Variants in GALNT8 observed in about 807,000 individuals in gnomAD.
The protein encoded by GALNT8 is probable polypeptide N-acetylgalactosaminyltransferase 8.
In GALNT8, 66 loss-of-function variants were observed where a neutral mutation model predicts 62.7. That is an observed-to-expected ratio of 1.05 (90% CI 0.86 to 1.29). GALNT8 has a LOEUF of 1.29. Among genes scored for constraint, GALNT8 ranks in the 50% most tolerant of loss-of-function variants. GALNT8 has a pLI of 0.00. For missense variants in GALNT8, 771 were observed against 791.8 expected (o/e 0.97, Z 0.32); for synonymous variants, 288 against 294.3 (o/e 0.98, Z 0.22).
intron 10 of GALNT8, among the ~76,000 whole-genome samples, chr12:4,769,829 G>C (rs144917191): frequency 1.3e-5 from 2 of 151,892 alleles, no homozygotes; most frequent in East Asian, 1.9e-4. Context: ...CTCCATGCCC[G>C]CCTCACCTGC....
chr12:4,736,347 G>A (rs1946244652), intron 2 of GALNT8, among the ~76,000 whole-genome samples: 1 of 152,126 alleles, frequency 6.6e-6, no homozygotes, highest in Non-Finnish European at 1.5e-5. Context: ...TGGTAATCTG[G>A]AAGACTATGT....
chr12:4,739,282 C>G lies in GALNT8; in HGVS notation c.629C>G (p.Ser210Cys), dbSNP rs1946260243. The G allele has an allele frequency of 6.2e-7, 1 of 1,613,836 alleles. No homozygotes were observed. The highest frequency in any genetic ancestry group is 2.2e-5 in the East Asian group (1 of 44,878). ...ACCAGTATCATCAACCGGACGCCCTCTCGATTGTTGAAGGAAATCATCTTG... is the reference window on the plus strand; with the variant it reads ...ACCAGTATCATCAACCGGACGCCCTGTCGATTGTTGAAGGAAATCATCTTG... ...AITSIINRTPSRLLKEIILVD... is the reference protein window; with the variant it reads ...AITSIINRTPCRLLKEIILVD... The change falls in exon 3 of 11, where the codon TCT becomes TGT. Residue 210 changes from serine to cysteine, a missense_variant. By Grantham distance (112) the Ser-to-Cys change is moderately radical (BLOSUM62 -1). Transcript: ENST00000252318.
intron 6 of GALNT8, among the ~76,000 whole-genome samples, chr12:4,755,815 A>G (rs1327054931): frequency 6.6e-6 from 1 of 152,214 alleles, no homozygotes; most frequent in Non-Finnish European, 1.5e-5. Flanking sequence ...CACGCAATAA[A>G]TCAACCCAAA....
intron 2 of GALNT8, among the ~76,000 whole-genome samples, chr12:4,731,879 T>C (rs1022282910): frequency 6.6e-6 from 1 of 152,190 alleles, no homozygotes; most frequent in African/African-American, 2.4e-5. Flanking sequence ...TTAGTCCTGC[T>C]GTGAACAGGA....
intron 3 of GALNT8, among the ~76,000 whole-genome samples, chr12:4,742,543 C>G (rs1231252479): frequency 6.6e-6 from 1 of 152,152 alleles, no homozygotes; most frequent in Non-Finnish European, 1.5e-5. Flanking sequence ...GGAAAGATAC[C>G]TTAATGTGTG....
chr12:4,726,539 T>TA lies in GALNT8; in HGVS notation c.220dup (p.Met74AsnfsTer21). On this transcript the variant is annotated frameshift_variant, in exon 2 of 11. Transcript: ENST00000252318. LOFTEE classifies it high-confidence loss of function. The surrounding 1 kb of genome is among the most constrained non-coding windows in gnomAD (Gnocchi z 4.1). ...TGTCCTCTTCATTTGCAGAAGAAAG[T>TA]ATGAAATTAGCTCTGAGGCAACAAG... 1 of 1,609,388 alleles carries TA rather than the reference T, an allele frequency of 6.2e-7. No homozygotes were observed.
At position 4,745,301 on chromosome 12, in the gene GALNT8, C is replaced by T. The variant is rs1591569173; in HGVS notation, c.861-128C>T. ...TCTGGACTCTAGAGAGTTCTACTCA[C>T]AACCCAGTACAGCCTAAATGGAGGA... On this transcript the variant is annotated intron_variant, in intron 4 of 10. Coordinates refer to ENST00000252318, the MANE Select transcript of GALNT8 (RefSeq NM_017417.2). 28 of 671,262 alleles carry T rather than the reference C, an allele frequency of 4.2e-5. No individual in the cohort carries two copies. In the East Asian group the frequency reaches 7.2e-4, roughly 17 times the overall value. The allele number at this position is 671,262 out of a possible 1,614,324, so 41.6% of individuals were successfully genotyped here.
chr12:4,762,277 A>G (rs1386366689), intron 7 of GALNT8, among the ~76,000 whole-genome samples: 1 of 152,210 alleles, frequency 6.6e-6, no homozygotes, highest in African/African-American at 2.4e-5. Flanking sequence ...AATTGTCTGT[A>G]AAATACTGAA....
rs1452851596 is a variant in GALNT8, at chr12:4,726,330, G to GT, written c.212-201dup. ...TTTTGATGGGGCTAAAGGGAGAGAC[G>GT]TATCTAGTACATACTTTGCTGGGAC... is the stretch of plus-strand genomic sequence containing the variant. On this transcript the variant is annotated intron_variant, in intron 1 of 10. Transcript: ENST00000252318. The surrounding 1 kb of genome is among the most constrained non-coding windows in gnomAD (Gnocchi z 4.1). Among the ~76,000 whole-genome samples the GT allele has an allele frequency of 6.6e-6, 1 of 152,168 alleles. No homozygotes were observed. Among genetic ancestry groups the GT allele is most frequent in the African/African-American group, 2.4e-5 (1 of 41,430 alleles).
At chr12:4,771,541 T>G (rs1946424394) in intron 10 of GALNT8, among the ~76,000 whole-genome samples, 1 of 152,116 alleles carries the variant, frequency 6.6e-6, no homozygotes, top group Non-Finnish European at 1.5e-5. Flanking sequence ...CAGTCCCACT[T>G]GGTGCTCAAG....
intron 4 of GALNT8, among the ~76,000 whole-genome samples, chr12:4,744,988 G>A (rs1565385445): frequency 2.6e-5 from 4 of 152,166 alleles, no homozygotes; most frequent in Non-Finnish European, 5.9e-5. Flanking sequence ...CTGTAAAGAT[G>A]AGGAGATTAG....
chr12:4,763,334 C>G lies in GALNT8; in HGVS notation c.1441C>G (p.Leu481Val), dbSNP rs780018727. ...GAAATGTAAAACTTTTGACTGGTAC[C>G]TGAAAAATGTTTATCCACTCTTGAA... ...KLKCKTFDWY[L>V]KNVYPLLKPL... The change falls in exon 8 of 11, where the codon CTG (leucine) becomes GTG (valine). Residue 481 changes from leucine (L) to valine (V), a missense_variant. Leu to Val is a conservative substitution (Grantham distance 32, BLOSUM62 1). Coordinates refer to ENST00000252318, the MANE Select transcript of GALNT8 (RefSeq NM_017417.2). 3 of 1,612,174 alleles carry G rather than the reference C, an allele frequency of 1.9e-6. No homozygotes were observed. Among genetic ancestry groups the G allele is most frequent in the African/African-American group, 1.3e-5 (1 of 74,886 alleles).
intron 6 of GALNT8, among the ~76,000 whole-genome samples, chr12:4,755,416 C>T (rs1946340174): frequency 6.6e-6 from 1 of 152,194 alleles, no homozygotes; most frequent in Non-Finnish European, 1.5e-5. Context: ...TGTGCTCTTC[C>T]TCCCCCAACA....
chr12:4,758,072 T>C (rs1946353200), intron 6 of GALNT8, among the ~76,000 whole-genome samples: 1 of 152,190 alleles, frequency 6.6e-6, no homozygotes, highest in Non-Finnish European at 1.5e-5. Flanking sequence ...CTACAAGACA[T>C]TCTTTCTTTT....
chr12:4,725,553 C>CTTTTTTTT (rs747460695), intron 1 of GALNT8, among the ~76,000 whole-genome samples: 2 of 119,696 alleles, frequency 1.7e-5, no homozygotes, highest in Non-Finnish European at 3.4e-5. Context: ...TGAAGACATT[C>CTTTTTTTT]TTTTTTTTTT....
Position 4,726,059 on chromosome 12 carries a change from C to A in GALNT8, c.212-473C>A, listed in dbSNP as rs138086799. The stretch of plus-strand genomic sequence containing the variant: ...AGTTTTACTGTAAAAAGAATTACTC[C>A]TTGGTTTTATTAAAAAGCAGGTTCT... On this transcript the variant is annotated intron_variant, in intron 1 of 10. Coordinates refer to ENST00000252318, the MANE Select transcript of GALNT8 (RefSeq NM_017417.2). The surrounding 1 kb of genome is among the most constrained non-coding windows in gnomAD (Gnocchi z 4.1). Among the ~76,000 whole-genome samples, 1 of 152,124 alleles carries A rather than the reference C, an allele frequency of 6.6e-6. No homozygotes were observed. The highest frequency in any genetic ancestry group is 1.9e-4 in the East Asian group (1 of 5,174).
At chr12:4,764,124 G>T (rs1946386909) in intron 9 of GALNT8, 77 bp downstream of exon 9, 1 of 835,498 alleles carries the variant, frequency 1.2e-6, no homozygotes, top group Non-Finnish European at 2.1e-6. Context: ...TGCTGGGTCT[G>T]GACTCCGTGA....
intron 1 of GALNT8, among the ~76,000 whole-genome samples, chr12:4,724,148 C>CAAAAAA (rs11456593): frequency 2.1e-5 from 1 of 48,092 alleles, no homozygotes; most frequent in Non-Finnish European, 3.5e-5. Context: ...GACTCCGTCT[C>CAAAAAA]AAAAAAAAAA....
At position 4,749,841 on chromosome 12, in the gene GALNT8, CTT is replaced by C. The variant is rs1189494187; in HGVS notation, c.1173+3584_1173+3585del. On this transcript the variant is annotated intron_variant, in intron 6 of 10. Transcript: ENST00000252318. The surrounding 1 kb of genome is among the most constrained non-coding windows in gnomAD (Gnocchi z 4.1). ...TTTTATTACAGCTTTGATCTCATTA[CTT>C]GTTATTGTTCTGTTCAGGTTTGGGA... 6.6e-6 allele frequency among the ~76,000 whole-genome samples: 1 copy of C among 152,124 alleles called. No homozygotes were observed. Among genetic ancestry groups the C allele is most frequent in the Non-Finnish European group, 1.5e-5 (1 of 67,984 alleles).
Sources: gnomAD v4.1 joint callset for allele counts (sites outside exome capture counted in the v4.1 genomes callset) on GRCh38, gnomAD v4.1.1 for gene constraint, Gnocchi (gnomAD v3.1) non-coding constraint, MANE v1.5 for transcripts, NCBI Gene and HGNC (gene_info 2026-07-23, HGNC 2026-07-21) for gene names.